The following IDI1 variants were observed in gnomAD, a reference collection of about 807,000 sequenced individuals.
The protein encoded by IDI1 is isopentenyl-diphosphate Delta-isomerase 1.
A neutral mutation model predicts 32.9 loss-of-function variants in IDI1; 23 were observed. That is an observed-to-expected ratio of 0.70 (90% confidence interval 0.50 to 0.99). IDI1 has a LOEUF of 0.99. Among genes scored for constraint, IDI1 ranks in the 50% least tolerant of loss-of-function variants. The pLI, the probability that IDI1 is intolerant of heterozygous loss-of-function variation, is 0.00. For synonymous variants in IDI1, 133 were observed against 128.2 expected (o/e 1.04, Z -0.25); for missense variants, 326 against 351.9 (o/e 0.93, Z 0.59).
Position 1,048,849 on chromosome 10 carries a change from G to T in IDI1, c.140+15C>A. 6.2e-7 allele frequency: 1 copy of T among 1,602,628 alleles called. No individual in the cohort carries two copies. On this transcript the variant is annotated intron_variant, in intron 1 of 4. Transcript: ENST00000381344. ...CTGCCCCTGTCTCCCGAACTCCGCC[G>T]CCCGTCCACAGTACCTGATCAGCCT...
chr10:1,053,373 G>C (rs1257101308), upstream of IDI1, among the ~76,000 whole-genome samples: 1 of 152,230 alleles, frequency 6.6e-6, no homozygotes, highest in Non-Finnish European at 1.5e-5. Context: ...GATAGCTTCA[G>C]ATTTTTCTTC....
At chr10:1,046,335 A>T (rs182026490) in intron 1 of IDI1, among the ~76,000 whole-genome samples, 2 of 152,204 alleles carry the variant, frequency 1.3e-5, no homozygotes, top group African/African-American at 4.8e-5. Flanking sequence ...GGAGCACAAC[A>T]CATCACCTTT....
chr10:1,054,076 G>T (rs1833083134), upstream of IDI1, among the ~76,000 whole-genome samples: 1 of 152,178 alleles, frequency 6.6e-6, no homozygotes. Context: ...TAATATCAAA[G>T]ATCACTAATC....
At chr10:1,055,331 T>A in the IDI1 span, among the ~76,000 whole-genome samples, 13 of 152,362 alleles carry the variant, frequency 8.5e-5, no homozygotes, top group Non-Finnish European at 1.0e-4. Context: ...TTTCCCTTGT[T>A]TTGTGACATG....
chr10:1,049,297 T>C (rs1045690607), upstream of IDI1: 31 of 425,936 alleles, frequency 7.3e-5, no homozygotes, highest in Admixed American at 3.2e-4. Context: ...ACGTCAGACG[T>C]CTCGAGGCTC....
upstream of IDI1, among the ~76,000 whole-genome samples, chr10:1,049,856 T>C (rs1832948875): frequency 6.6e-6 from 1 of 152,174 alleles, no homozygotes; most frequent in Admixed American, 6.5e-5. Context: ...TTTCCGCATG[T>C]TGGTCAGGCT....
rs1423306557 is a variant in IDI1 at position 1,040,362 on chromosome 10, C to T, written c.*825G>A. 2.0e-5 allele frequency: 3 copies of T among 152,250 alleles called. No homozygotes were observed. The highest frequency in any genetic ancestry group is 4.4e-5 in the Non-Finnish European group (3 of 68,084). The allele number at this position is 152,250 out of a possible 1,614,324, so 9.4% of individuals were successfully genotyped here. A position where few individuals can be genotyped will look rare whatever the true frequency, so the allele number is the denominator to read the frequency against. On this transcript the variant is annotated 3_prime_UTR_variant, in exon 5 of 5. Coordinates refer to ENST00000381344, the MANE Select transcript of IDI1 (RefSeq NM_004508.4). Reference sequence around the variant, plus strand: ...ACATGAGAGGGACGCTGCTCACCATCCTGCAATGCACAGCACAGACCCCAC... The same window carrying T: ...ACATGAGAGGGACGCTGCTCACCATTCTGCAATGCACAGCACAGACCCCAC...
upstream of IDI1, chr10:1,049,180 C>T: frequency 9.2e-7 from 1 of 1,083,088 alleles, no homozygotes. Context: ...CCCAGTTCCG[C>T]AGAGGCAGCG....
upstream of IDI1, among the ~76,000 whole-genome samples, chr10:1,050,583 G>T (rs972631933): frequency 6.6e-6 from 1 of 152,156 alleles, no homozygotes; most frequent in African/African-American, 2.4e-5. Context: ...TGAATAAAAA[G>T]ATAATTATTA....
rs1302981981 is a variant in IDI1 at position 1,044,025 on chromosome 10, CA to C, written c.286del (p.Cys96ValfsTer3). On this transcript the variant is annotated frameshift_variant, in exon 2 of 5. Transcript: ENST00000381344. LOFTEE classifies it high-confidence loss of function. ...TTTCTCAATGTTCTCGTTCAGGTGA[CA>C]ATTCTTCTTGGTCTCAGCTCCAATT... The part of the protein sequence containing the change: ...NKIGAETKKN[C>X]HLNENIEKGL... The C allele has an allele frequency of 1.2e-6, 2 of 1,612,372 alleles. No individual in the cohort carries two copies. The highest frequency in any genetic ancestry group is 3.3e-5 in the Admixed American group (2 of 59,874).
chr10:1,054,596 G>A, the IDI1 span, among the ~76,000 whole-genome samples: 5 of 152,224 alleles, frequency 3.3e-5, no homozygotes, highest in African/African-American at 9.6e-5. Context: ...GCTTCTGCAG[G>A]AGGGAGAATG....
upstream of IDI1, chr10:1,049,131 C>T: frequency 7.2e-7 from 1 of 1,380,358 alleles, no homozygotes; most frequent in Non-Finnish European, 9.4e-7. Context: ...GCCGTGACCG[C>T]GGGCTCTGGC....
At chr10:1,045,565 C>G (rs1832776641) in intron 1 of IDI1, among the ~76,000 whole-genome samples, 1 of 152,224 alleles carries the variant, frequency 6.6e-6, no homozygotes, top group Non-Finnish European at 1.5e-5. Context: ...CTCCTGGGTT[C>G]AAGTGATTCT....
chr10:1,043,840 C>A, intron 2 of IDI1, 159 bp downstream of exon 2: 1 of 673,754 alleles, frequency 1.5e-6, no homozygotes, highest in Non-Finnish European at 2.6e-6. Context: ...AGGAAGACAG[C>A]AAAGCAGATG....
downstream of IDI1, chr10:1,039,163 C>G (rs1295680776): frequency 3.7e-5 from 5 of 136,082 alleles, no homozygotes; most frequent in Admixed American, 3.1e-4. Flanking sequence ...GGGCAGTTCC[C>G]ACAGGGACGC....
At chr10:1,048,530 A>C (rs1373496423) in intron 1 of IDI1, 1 of 1,281,498 alleles carries the variant, frequency 7.8e-7, no homozygotes, top group African/African-American at 1.5e-5. Context: ...CGCAACTCTT[A>C]GTCTCCTGCG....
intron 1 of IDI1, among the ~76,000 whole-genome samples, chr10:1,045,866 G>GGGGTGT (rs1207210805): frequency 1.3e-5 from 2 of 150,956 alleles, no homozygotes; most frequent in Non-Finnish European, 3.0e-5. Context: ...ATAGGGTCTG[G>GGGGTGT]GTGTGTGTGT....
upstream of IDI1, chr10:1,049,603 G>A (rs1012457368): frequency 1.3e-5 from 2 of 153,958 alleles, no homozygotes; most frequent in African/African-American, 4.8e-5. Context: ...CCGGGGGTGT[G>A]GGGTGTTCCA....
upstream of IDI1, among the ~76,000 whole-genome samples, chr10:1,052,872 A>G (rs568161147): frequency 6.6e-6 from 1 of 152,316 alleles, no homozygotes; most frequent in South Asian, 2.1e-4. Context: ...CTCTCTAGTT[A>G]TGACAGTCCT....
Sources: allele counts gnomAD v4.1 joint callset (sites outside exome capture counted in the v4.1 genomes callset), GRCh38; gene constraint gnomAD v4.1.1; transcripts MANE v1.5; gene names NCBI Gene and HGNC (gene_info 2026-07-23, HGNC 2026-07-21).